Variants in PHTF1 observed in about 807,000 individuals in gnomAD.
PHTF1 encodes protein PHTF1.
Under a neutral mutation model 102.4 loss-of-function variants are expected in PHTF1, and 88 were observed. The observed-to-expected ratio is 0.86, with a 90% CI of 0.72 to 1.03. PHTF1 has a LOEUF of 1.03. PHTF1 is among the 50% of genes least tolerant of loss of function. The pLI is 0.00. For missense variants in PHTF1, 814 were observed against 909.5 expected, an observed-to-expected ratio of 0.89 and a Z score of 1.35; for synonymous variants, 289 against 305.2, an observed-to-expected ratio of 0.95 and a Z score of 0.55.
intron 3 of PHTF1, among the ~76,000 whole-genome samples, chr1:113,755,427 T>G (rs1476226846): frequency 6.6e-6 from 1 of 152,224 alleles, no homozygotes; most frequent in Non-Finnish European, 1.5e-5. Flanking sequence ...CTGAGTAATT[T>G]TTTTTTCAGC....
Position 113,710,460 on chromosome 1 carries a change from C to T in PHTF1, c.1063G>A (p.Val355Met), listed in dbSNP as rs754873250. 3 of 1,613,728 alleles carry T rather than the reference C, an allele frequency of 1.9e-6. No individual in the cohort carries two copies. Residue 355 changes from valine (V) to methionine (M), a missense_variant, in exon 11 of 19, where the codon GTG becomes ATG. Coordinates refer to ENST00000369604, the MANE Select transcript of PHTF1 (RefSeq NM_001323043.2). ...AAFSQGSRSG[V>M]SGGSRSLNMS... ...TTGAGGCTTCGAGAGCCACCACTCA[C>T]ACCCGATCTAGAGCCCTTTAAAGGA...
chr1:113,738,187 G>A lies in PHTF1; in HGVS notation c.254C>T (p.Pro85Leu). ...CTGAATCCACCAATTGCTGAACAAT[G>A]GAAAAAATACAACTCGAACAAGCCC... is the stretch of plus-strand genomic sequence containing the variant. ...RKGLVRVVFF[P>L]LFSNWWIQVT... The change falls in exon 5 of 19, where the codon CCA becomes CTA. Residue 85 changes from proline to leucine, a missense_variant. Transcript: ENST00000369604. 1 of 1,613,324 alleles carries A rather than the reference G, an allele frequency of 6.2e-7. No homozygotes were observed. The highest frequency in any genetic ancestry group is 8.5e-7 in the Non-Finnish European group (1 of 1,179,282).
At chr1:113,720,943 A>T (rs1652830198) in intron 7 of PHTF1, among the ~76,000 whole-genome samples, 1 of 152,202 alleles carries the variant, frequency 6.6e-6, no homozygotes, top group Non-Finnish European at 1.5e-5. Context: ...ACAAAAAAAT[A>T]CAAAAAATTA....
intron 7 of PHTF1, among the ~76,000 whole-genome samples, chr1:113,717,927 G>T (rs1241151655): frequency 2.6e-5 from 4 of 151,990 alleles, no homozygotes; most frequent in African/African-American, 7.3e-5. Flanking sequence ...ATATCATTCT[G>T]CTCCTTGCCT....
At chr1:113,754,030 A>T (rs931876978) in intron 3 of PHTF1, among the ~76,000 whole-genome samples, 1 of 152,174 alleles carries the variant, frequency 6.6e-6, no homozygotes, top group Admixed American at 6.5e-5. Context: ...ACCTCTTCTC[A>T]GTATTTGCCA....
At chr1:113,707,223 A>G (rs967818588) in intron 11 of PHTF1, among the ~76,000 whole-genome samples, 29 of 152,052 alleles carry the variant, frequency 1.9e-4, no homozygotes, top group Non-Finnish European at 8.8e-5. Context: ...GAGATACTAA[A>G]AGGCCTTATA....
At chr1:113,713,184 A>G in intron 8 of PHTF1, 95 bp downstream of exon 8, 5 of 1,073,288 alleles carry the variant, frequency 4.7e-6, no homozygotes, top group Non-Finnish European at 7.0e-6. Flanking sequence ...AAATTTATAA[A>G]CCTACTAGTA....
chr1:113,701,826 T>TAAAAAAAAAA (rs34844793), intron 15 of PHTF1, among the ~76,000 whole-genome samples: 10 of 28,002 alleles, frequency 3.6e-4, no homozygotes, highest in African/African-American at 5.8e-4. Flanking sequence ...CAATTCCTGG[T>TAAAAAAAAAA]AAAAAAAAAA....
At chr1:113,703,976 T>G (rs926193040) in intron 15 of PHTF1, 105 bp downstream of exon 15, 4 of 576,628 alleles carry the variant, frequency 6.9e-6, no homozygotes, top group Non-Finnish European at 1.2e-5. Flanking sequence ...AAAATGTAGA[T>G]GCATTAAAAA....
At chr1:113,723,339 G>A (rs1028351830) in intron 7 of PHTF1, among the ~76,000 whole-genome samples, 3 of 152,042 alleles carry the variant, frequency 2.0e-5, no homozygotes, top group South Asian at 2.1e-4. Flanking sequence ...CACCACGCCC[G>A]GATAATTCTT....
intron 3 of PHTF1, among the ~76,000 whole-genome samples, chr1:113,750,728 C>T (rs1336676948): frequency 6.6e-6 from 1 of 151,778 alleles, no homozygotes. Flanking sequence ...TGGTGGCGTG[C>T]GCCTGTAATC....
intron 14 of PHTF1, 31 bp downstream of exon 14, chr1:113,704,635 C>A: frequency 6.6e-7 from 1 of 1,520,222 alleles, no homozygotes; most frequent in Non-Finnish European, 9.0e-7. Context: ...TATTCTTGCA[C>A]ATACTCTATT....
chr1:113,710,235 T>G lies in PHTF1; in HGVS notation c.1269+19A>C. ...AGAACACAATAAATACTAGCTATTC[T>G]TATCATGTCTGCACAGACCTGCTGA... On this transcript the variant is annotated intron_variant, in intron 11 of 18. Transcript: ENST00000369604. 6.4e-7 allele frequency: 1 copy of G among 1,571,424 alleles called. No individual in the cohort carries two copies. Among genetic ancestry groups the G allele is most frequent in the Non-Finnish European group, 8.8e-7 (1 of 1,142,610 alleles).
At chr1:113,698,519 C>T (rs1453218990) in intron 17 of PHTF1, 132 bp from the exon 18 acceptor site, 1 of 727,920 alleles carries the variant, frequency 1.4e-6, no homozygotes, top group Non-Finnish European at 2.2e-6. Flanking sequence ...AAAGAGCTAC[C>T]TTCAAAAAAT....
At chr1:113,736,146 T>C (rs1655447615) in intron 5 of PHTF1, among the ~76,000 whole-genome samples, 1 of 150,622 alleles carries the variant, frequency 6.6e-6, no homozygotes, top group East Asian at 2.0e-4. Flanking sequence ...ATCGAGACCA[T>C]CCTGGCTAAC....
chr1:113,701,826 T>TAAAAAAAAAAAAAAAAAAAAAA (rs34844793), intron 15 of PHTF1, among the ~76,000 whole-genome samples: 16 of 28,000 alleles, frequency 5.7e-4, no homozygotes, highest in Non-Finnish European at 5.3e-4. Context: ...CAATTCCTGG[T>TAAAAAAAAAAAAAAAAAAAAAA]AAAAAAAAAA....
chr1:113,713,693 A>T, intron 7 of PHTF1: 1 of 374,874 alleles, frequency 2.7e-6, no homozygotes, highest in South Asian at 2.9e-5. Context: ...AGTGTTGCAC[A>T]AAAGTAGGTT....
intron 7 of PHTF1, among the ~76,000 whole-genome samples, chr1:113,720,035 G>C (rs530593386): frequency 2.0e-5 from 3 of 152,116 alleles, no homozygotes; most frequent in African/African-American, 7.2e-5. Context: ...GCACAGGAAA[G>C]ACCAGCCCCA....
At chr1:113,740,250 T>G (rs1656149160) in intron 3 of PHTF1, among the ~76,000 whole-genome samples, 1 of 152,200 alleles carries the variant, frequency 6.6e-6, no homozygotes, top group Non-Finnish European at 1.5e-5. Flanking sequence ...TTTGTCTTTT[T>G]GATAATAGCC....
Sources: gnomAD v4.1 joint callset for allele counts (sites outside exome capture counted in the v4.1 genomes callset) on GRCh38, gnomAD v4.1.1 for gene constraint, MANE v1.5 for transcripts, NCBI Gene and HGNC (gene_info 2026-07-23, HGNC 2026-07-21) for gene names.